ANXA4: variants seen among roughly 807,000 people sequenced by gnomAD.
The protein encoded by ANXA4 is 35-beta calcimedin.
A neutral mutation model predicts 49.8 loss-of-function variants in ANXA4; 39 were observed. That is an observed-to-expected ratio of 0.78 (90% CI 0.61 to 1.02). ANXA4 has a LOEUF of 1.02. Ranked by LOEUF, ANXA4 falls within the 50% of genes least tolerant of loss-of-function variation. The probability of loss-of-function intolerance (pLI) is 0.00; values close to 1 mark genes in which losing one functional copy is unlikely to be tolerated. For synonymous variants in ANXA4, 134 were observed against 152.5 expected, an observed-to-expected ratio of 0.88 and a Z score of 0.89; for missense variants, 360 against 410.1, an observed-to-expected ratio of 0.88 and a Z score of 1.05.
At chr2:69,731,454 T>G (rs1335645520) in intron 3 of ANXA4, among the ~76,000 whole-genome samples, 1 of 152,212 alleles carries the variant, frequency 6.6e-6, no homozygotes, top group Non-Finnish European at 1.5e-5. Context: ...GCAGCTGCTT[T>G]GTTTTTGAAA....
chr2:69,697,958 AAC>A (rs1478396459), intron 2 of ANXA4, among the ~76,000 whole-genome samples: 1 of 144,952 alleles, frequency 6.9e-6, no homozygotes, highest in Non-Finnish European at 1.5e-5. Flanking sequence ...TAGCCTGGGC[AAC>A]ACAGTGAGAC....
chr2:69,802,275 C>T (rs1358587124), intron 3 of ANXA4, among the ~76,000 whole-genome samples: 1 of 152,088 alleles, frequency 6.6e-6, no homozygotes, highest in Admixed American at 6.5e-5. Flanking sequence ...GACATCTGCA[C>T]TTGTCTAAGA....
chr2:69,750,559 C>T (rs536407251), intron 1 of ANXA4, among the ~76,000 whole-genome samples: 3 of 152,292 alleles, frequency 2.0e-5, no homozygotes, highest in Non-Finnish European at 2.9e-5. Flanking sequence ...ACTATAGGCA[C>T]GCGCTGCCAC....
At chr2:69,691,979 GGGTTCAAAC>G (rs1677989003) in intron 2 of ANXA4, among the ~76,000 whole-genome samples, 1 of 152,128 alleles carries the variant, frequency 6.6e-6, no homozygotes, top group South Asian at 2.1e-4. Flanking sequence ...TCCGCCTCCC[GGGTTCAAAC>G]GATTCTCCCG....
At position 69,806,759 on chromosome 2, in the gene ANXA4, T is replaced by C. The variant is rs553957163; in HGVS notation, c.306+261T>C. On this transcript the variant is annotated intron_variant, in intron 5 of 12. Coordinates refer to ENST00000394295, the MANE Select transcript of ANXA4 (RefSeq NM_001153.5). ...GGCAGGAACAGAAAATCAAATACCATATGTTTTCACTTACAAGTGGGAGCT... is the reference window on the plus strand; with the variant it reads ...GGCAGGAACAGAAAATCAAATACCACATGTTTTCACTTACAAGTGGGAGCT... Among the ~76,000 whole-genome samples, 18 of 152,198 alleles carry C rather than the reference T, an allele frequency of 1.2e-4. 1 individual carries two copies. The South Asian group carries it at 2.1e-3, about 18-fold the overall frequency.
chr2:69,755,385 C>T (rs1179655498), intron 1 of ANXA4, among the ~76,000 whole-genome samples: 5 of 152,134 alleles, frequency 3.3e-5, no homozygotes, highest in African/African-American at 1.2e-4. Flanking sequence ...TTTGGGAGGC[C>T]GAGGCTGGCA....
intron 2 of ANXA4, among the ~76,000 whole-genome samples, chr2:69,656,368 T>TATATATAC: frequency 7.9e-6 from 1 of 126,932 alleles, no homozygotes; most frequent in East Asian, 2.9e-4. Flanking sequence ...TATATATATG[T>TATATATAC]GTATATATGT....
chr2:69,680,574 T>A (rs893929414), intron 2 of ANXA4, among the ~76,000 whole-genome samples: 1 of 152,210 alleles, frequency 6.6e-6, no homozygotes, highest in Non-Finnish European at 1.5e-5. Context: ...CATCCTTGTC[T>A]TGTTCCAGTT....
chr2:69,772,584 G>A (rs1426293710), intron 1 of ANXA4, among the ~76,000 whole-genome samples: 1 of 152,126 alleles, frequency 6.6e-6, no homozygotes, highest in Non-Finnish European at 1.5e-5. Context: ...CCATCCTTGT[G>A]CCAAGAGTTA....
chr2:69,783,944 T>C (rs932677139), intron 2 of ANXA4, among the ~76,000 whole-genome samples: 1 of 152,262 alleles, frequency 6.6e-6, no homozygotes, highest in Admixed American at 6.5e-5. Context: ...TCAGTAGTTT[T>C]GTTCCTCCAT....
intron 2 of ANXA4, among the ~76,000 whole-genome samples, chr2:69,690,584 C>T (rs1677931627): frequency 6.6e-6 from 1 of 152,098 alleles, no homozygotes; most frequent in Admixed American, 6.6e-5. Context: ...TTTGCAGTTC[C>T]TACACACTTA....
At chr2:69,676,693 G>A (rs1054336895) in intron 2 of ANXA4, among the ~76,000 whole-genome samples, 5 of 152,178 alleles carry the variant, frequency 3.3e-5, no homozygotes, top group Non-Finnish European at 5.9e-5. Flanking sequence ...AAGAGATTAA[G>A]ACCATCCTGG....
chr2:69,738,407 G>C (rs997158931), upstream of ANXA4, among the ~76,000 whole-genome samples: 2 of 152,122 alleles, frequency 1.3e-5, no homozygotes, highest in African/African-American at 2.4e-5. Flanking sequence ...CAGCTCAGTA[G>C]GCATCATCTT....
At chr2:69,812,921 A>G (rs1334180777) in intron 8 of ANXA4, among the ~76,000 whole-genome samples, 1 of 152,068 alleles carries the variant, frequency 6.6e-6, no homozygotes, top group Admixed American at 6.5e-5. Flanking sequence ...CTGGGTTCCA[A>G]GTTTCTCAAC....
intron 3 of ANXA4, among the ~76,000 whole-genome samples, chr2:69,788,390 A>G (rs1038962596): frequency 1.3e-5 from 2 of 152,206 alleles, no homozygotes; most frequent in African/African-American, 4.8e-5. Context: ...AAATAAAAAA[A>G]TTAGCCAAGC....
chr2:69,743,226 T>G (rs1226301113), intron 1 of ANXA4, among the ~76,000 whole-genome samples: 2 of 150,684 alleles, frequency 1.3e-5, no homozygotes, highest in South Asian at 4.2e-4. Context: ...AACCCTAGAT[T>G]TTTTTTTTTG....
intron 2 of ANXA4, among the ~76,000 whole-genome samples, chr2:69,719,584 C>T (rs1208491272): frequency 4.6e-5 from 7 of 151,566 alleles, no homozygotes; most frequent in East Asian, 1.9e-4. Context: ...GGATTACAGG[C>T]GCCCACCAAC....
intron 2 of ANXA4, among the ~76,000 whole-genome samples, chr2:69,663,303 T>C (rs1342313974): frequency 1.9e-4 from 14 of 74,728 alleles, no homozygotes; most frequent in African/African-American, 6.9e-4. Flanking sequence ...CTTTTTTTTT[T>C]TTTTTTTTTT....
chr2:69,717,027 C>T (rs1182717711), intron 2 of ANXA4, among the ~76,000 whole-genome samples: 1 of 152,098 alleles, frequency 6.6e-6, no homozygotes, highest in Non-Finnish European at 1.5e-5. Context: ...AGAAACCAAT[C>T]AAGAAACAAG....
Sources: allele counts gnomAD v4.1 joint callset (sites outside exome capture counted in the v4.1 genomes callset), GRCh38; gene constraint gnomAD v4.1.1; transcripts MANE v1.5; gene names NCBI Gene and HGNC (gene_info 2026-07-23, HGNC 2026-07-21).